The following CSMD1 variants were observed in gnomAD, a reference collection of about 807,000 sequenced individuals.
The protein encoded by CSMD1 is CUB and sushi domain-containing protein 1.
CSMD1 carries 213 observed loss-of-function variants against 417.5 expected under a neutral mutation model. The ratio of observed to expected loss-of-function variants is 0.51; its 90% CI spans 0.46 to 0.57. The LOEUF (loss-of-function observed/expected upper bound fraction) is 0.57. Ranked by LOEUF, CSMD1 falls within the 20% of genes least tolerant of loss-of-function variation. CSMD1 has a pLI of 0.00. For synonymous variants in CSMD1, 2,862 were observed against 1,736.8 expected (o/e 1.65, Z -16.11); for missense variants, 6,923 against 4,529.7 (o/e 1.53, Z -15.17).
chr8:4,061,197 C>A (rs1419042132), intron 3 of CSMD1, among the ~76,000 whole-genome samples: 2 of 152,146 alleles, frequency 1.3e-5, no homozygotes, highest in African/African-American at 4.8e-5. Flanking sequence ...CTAACATGAG[C>A]CCTTTTAGGA....
At chr8:3,061,597 G>C (rs906840621) in intron 49 of CSMD1, among the ~76,000 whole-genome samples, 1 of 152,048 alleles carries the variant, frequency 6.6e-6, no homozygotes. Context: ...GACATCTTGA[G>C]CTTACACGAA....
intron 2 of CSMD1, among the ~76,000 whole-genome samples, chr8:4,473,391 T>G (rs1352146739): frequency 6.6e-6 from 1 of 152,188 alleles, no homozygotes; most frequent in Non-Finnish European, 1.5e-5. Context: ...CTTACCCCAT[T>G]CTCATTGTAG....
intron 12 of CSMD1, among the ~76,000 whole-genome samples, chr8:3,429,797 A>T (rs1288748329): frequency 6.6e-6 from 1 of 152,162 alleles, no homozygotes; most frequent in African/African-American, 2.4e-5. Flanking sequence ...TTTATACCTT[A>T]CCTATAATAA....
rs573030870 is a variant in CSMD1, at chr8:4,801,419, G to A, written c.86-163861C>T. ...ACCCTCTCCCCGTGGGTTCTATTTC[G>A]GCCAGTCAGCTACTCTTAGCGGACT... On this transcript the variant is annotated intron_variant, in intron 1 of 69. Transcript: ENST00000635120. Among the ~76,000 whole-genome samples the A allele has an allele frequency of 3.3e-5, 5 of 152,078 alleles. 1 individual carries two copies. The highest frequency in any genetic ancestry group is 1.9e-4 in the East Asian group (1 of 5,164).
chr8:4,410,091 GC>G (rs1170269897), intron 3 of CSMD1, among the ~76,000 whole-genome samples: 1 of 152,196 alleles, frequency 6.6e-6, no homozygotes, highest in African/African-American at 2.4e-5. Context: ...TGGGATTACA[GC>G]CATGAGCCAC....
intron 23 of CSMD1, among the ~76,000 whole-genome samples, chr8:3,329,256 G>C (rs566463894): frequency 1.9e-4 from 29 of 152,240 alleles, no homozygotes; most frequent in Middle Eastern, 3.4e-3. Context: ...GACAGCAAAA[G>C]TGAACCCTAT....
At chr8:4,613,173 C>G (rs527793768) in intron 2 of CSMD1, among the ~76,000 whole-genome samples, 1 of 152,216 alleles carries the variant, frequency 6.6e-6, no homozygotes, top group Non-Finnish European at 1.5e-5. Flanking sequence ...AAGAACAATT[C>G]TAATTCATTT....
At chr8:4,720,868 C>T (rs1259816774) in intron 1 of CSMD1, among the ~76,000 whole-genome samples, 1 of 152,158 alleles carries the variant, frequency 6.6e-6, no homozygotes, top group Non-Finnish European at 1.5e-5. Context: ...AACCAAGATC[C>T]TAGTGCCGTC....
chr8:3,155,359 A>ATTTTTTTTTTTTTTTTTTTT lies in CSMD1; in HGVS notation c.5914+2518_5914+2537dup, dbSNP rs556304192. Among the ~76,000 whole-genome samples the ATTTTTTTTTTTTTTTTTTTT allele has an allele frequency of 8.6e-3, 374 of 43,308 alleles. 134 individuals carry two copies. The highest frequency in any genetic ancestry group is 0.012 in the Non-Finnish European group (247 of 21,374). 28.4% of individuals were successfully genotyped at this position (43,308 alleles called of 152,430 possible). A position where few individuals can be genotyped will look rare whatever the true frequency, so the allele number is the denominator to read the frequency against. On this transcript the variant is annotated intron_variant, in intron 39 of 69. Transcript: ENST00000635120. Reference sequence around the variant, plus strand: ...TTTTTCCTTCCAAATCAAGGCTGGGATTTTTTTTTTTTTTTTTTTTTTTTT... The same window carrying ATTTTTTTTTTTTTTTTTTTT: ...TTTTTCCTTCCAAATCAAGGCTGGGATTTTTTTTTTTTTTTTTTTTTTTTTTTTTTTTTTTTTTTTTTTTT...
At chr8:3,915,520 T>C (rs1808758202) in intron 5 of CSMD1, among the ~76,000 whole-genome samples, 1 of 151,880 alleles carries the variant, frequency 6.6e-6, no homozygotes, top group Non-Finnish European at 1.5e-5. Flanking sequence ...CTGGGCTTTG[T>C]TGATCATACG....
intron 1 of CSMD1, among the ~76,000 whole-genome samples, chr8:4,979,851 C>T (rs1241725750): frequency 6.6e-6 from 1 of 152,042 alleles, no homozygotes; most frequent in Non-Finnish European, 1.5e-5. Flanking sequence ...TCCTGGCTAA[C>T]ACATTGAAAC....
At chr8:4,435,904 A>C (rs1480374108) in intron 2 of CSMD1, among the ~76,000 whole-genome samples, 1 of 152,198 alleles carries the variant, frequency 6.6e-6, no homozygotes, top group Non-Finnish European at 1.5e-5. Context: ...TCAAATGTAG[A>C]TTTGACGGAA....
In CSMD1 at chr8:4,205,996, C is replaced by A. The variant is rs184135320; in HGVS notation, c.416-173897G>T. 4.9e-3 allele frequency among the ~76,000 whole-genome samples: 749 copies of A among 152,224 alleles called. 8 individuals carry two copies. Among genetic ancestry groups the A allele is most frequent in the African/African-American group, 0.017 (711 of 41,550 alleles). ...CCATTCTCTCTACTTCAGGAATTTT[C>A]TTTCTCTTTCTTCAGAAACTACATA... On this transcript the variant is annotated intron_variant, in intron 3 of 69. Coordinates refer to ENST00000635120, the MANE Select transcript of CSMD1 (RefSeq NM_033225.6).
intron 1 of CSMD1, among the ~76,000 whole-genome samples, chr8:4,863,735 A>G (rs900214940): frequency 6.6e-6 from 1 of 152,082 alleles, no homozygotes; most frequent in East Asian, 1.9e-4. Context: ...AAAAATGTAT[A>G]CAATGTAACT....
intron 15 of CSMD1, among the ~76,000 whole-genome samples, chr8:3,401,808 A>G (rs904764656): frequency 6.6e-6 from 1 of 152,196 alleles, no homozygotes; most frequent in Non-Finnish European, 1.5e-5. Flanking sequence ...CCTTTAATCT[A>G]CAAGATTCAA....
intron 5 of CSMD1, among the ~76,000 whole-genome samples, chr8:3,921,112 A>C (rs1021895978): frequency 6.7e-6 from 1 of 149,476 alleles, no homozygotes; most frequent in African/African-American, 2.6e-5. Flanking sequence ...TTTTCTTTGA[A>C]AGAAGGTTGA....
chr8:3,444,830 G>T (rs1458682554), intron 12 of CSMD1, among the ~76,000 whole-genome samples: 1 of 152,150 alleles, frequency 6.6e-6, no homozygotes, highest in Non-Finnish European at 1.5e-5. Context: ...GAGAACCTCA[G>T]CAAGTAAATA....
At chr8:3,992,237 A>G (rs1814810626) in intron 5 of CSMD1, among the ~76,000 whole-genome samples, 1 of 152,152 alleles carries the variant, frequency 6.6e-6, no homozygotes, top group African/African-American at 2.4e-5. Flanking sequence ...CACTTCTAAA[A>G]AACAACACTT....
intron 3 of CSMD1, among the ~76,000 whole-genome samples, chr8:4,408,128 A>C (rs957855953): frequency 3.3e-5 from 5 of 152,240 alleles, no homozygotes; most frequent in Non-Finnish European, 7.3e-5. Flanking sequence ...AACAAAATGG[A>C]AACTTCGAGT....
Sources: allele counts gnomAD v4.1 joint callset (sites outside exome capture counted in the v4.1 genomes callset), GRCh38; gene constraint gnomAD v4.1.1; transcripts MANE v1.5; gene names NCBI Gene and HGNC (gene_info 2026-07-23, HGNC 2026-07-21).